The following GPR173 variants were observed in gnomAD, a reference collection of about 807,000 sequenced individuals.
The protein encoded by GPR173 is G protein-coupled receptor 173.
In GPR173, 2 loss-of-function variants were observed where a neutral mutation model predicts 13.9. That is an observed-to-expected ratio of 0.14 (90% CI 0.06 to 0.45). The LOEUF (loss-of-function observed/expected upper bound fraction) is 0.45. GPR173 is among the 20% of genes least tolerant of loss of function. The pLI is 0.98. For missense variants in GPR173, 202 were observed against 340.5 expected, an observed-to-expected ratio of 0.59 and a Z score of 3.20; for synonymous variants, 131 against 141.0, an observed-to-expected ratio of 0.93 and a Z score of 0.50.
At chrX:53,063,808 C>T (rs146384002) in intron 1 of GPR173, among the ~76,000 whole-genome samples, 3,349 of 111,532 alleles carry the variant, frequency 0.03, 59 homozygotes, top group Non-Finnish European at 0.05. Context: ...GGCTTTTATT[C>T]CAGTTTCCAA....
At chrX:53,072,757 G>GT (rs1261665909) in intron 1 of GPR173, among the ~76,000 whole-genome samples, 1 of 111,544 alleles carries the variant, frequency 9.0e-6, no homozygotes, top group Non-Finnish European at 1.9e-5. Context: ...GAGTAAGTGT[G>GT]TGTGTGTTTA....
At chrX:53,065,107 A>G (rs1266883595) in intron 1 of GPR173, 2 of 112,038 alleles carry the variant, frequency 1.8e-5, no homozygotes, top group African/African-American at 3.2e-5. Flanking sequence ...TTCTACATCA[A>G]GTTATTGTGT....
At chrX:53,064,716 C>A (rs1932166656) in intron 1 of GPR173, among the ~76,000 whole-genome samples, 2 of 111,384 alleles carry the variant, frequency 1.8e-5, no homozygotes, top group Non-Finnish European at 3.8e-5. Context: ...AGCATGTGCA[C>A]GTGACAAAGA....
Position 53,080,233 on chromosome X carries a change from T to C in GPR173, c.*2490T>C, listed in dbSNP as rs1047398478. ...GGACTTTGGTCAGCTTTGACCAAAT[T>C]TAGAGGGAGGGATGTCATGGGGAAA... On this transcript the variant is annotated 3_prime_UTR_variant, in exon 2 of 2. Transcript: ENST00000332582. 8.2e-6 allele frequency: 1 copy of C among 121,426 alleles called. No homozygotes were observed. The highest frequency in any genetic ancestry group is 2.9e-4 in the East Asian group (1 of 3,508). The allele number at this position is 121,426 out of a possible 1,213,427, so 10.0% of individuals were successfully genotyped here. A position where few individuals can be genotyped will look rare whatever the true frequency, so the allele number is the denominator to read the frequency against.
intron 1 of GPR173, among the ~76,000 whole-genome samples, chrX:53,055,110 G>C (rs1321492605): frequency 7.3e-5 from 8 of 109,163 alleles, no homozygotes; most frequent in African/African-American, 2.7e-4. Flanking sequence ...CTGGCTGATG[G>C]TGATTAAGAG....
intron 1 of GPR173, among the ~76,000 whole-genome samples, chrX:53,057,179 G>C (rs1602088767): frequency 8.9e-6 from 1 of 111,765 alleles, no homozygotes; most frequent in Non-Finnish European, 1.9e-5. Flanking sequence ...CACTTTGGGA[G>C]GCTGAGGCAG....
Position 53,062,569 on chromosome X carries a change from C to CTTTTTTT in GPR173, c.-98+13087_-98+13088insTTTTTTT. On this transcript the variant is annotated intron_variant, in intron 1 of 1. Coordinates refer to ENST00000332582, the MANE Select transcript of GPR173 (RefSeq NM_018969.6). ...ACAGAAAAAAAAAAAACATTGTCTT[C>CTTTTTTT]TTCTTTTTTTTTTTTTTTTTTTTTT... Among the ~76,000 whole-genome samples, 2 of 74,671 alleles carry CTTTTTTT rather than the reference C, an allele frequency of 2.7e-5. 1 individual carries two copies. The highest frequency in any genetic ancestry group is 4.9e-5 in the Non-Finnish European group (2 of 40,667). The allele number at this position is 74,671 out of a possible 115,157, so 64.8% of individuals were successfully genotyped here. A position where few individuals can be genotyped will look rare whatever the true frequency, so the allele number is the denominator to read the frequency against.
chrX:53,058,881 G>A (rs1932078018), intron 1 of GPR173, among the ~76,000 whole-genome samples: 1 of 106,063 alleles, frequency 9.4e-6, no homozygotes, highest in South Asian at 4.2e-4. Context: ...AATGGCGAAC[G>A]CATTTCGCCT....
Position 53,077,398 on chromosome X carries a change from G to A in GPR173, c.777G>A (p.Leu259=). 8.3e-7 allele frequency: 1 copy of A among 1,203,755 alleles called. No homozygotes were observed. The highest frequency in any genetic ancestry group is 1.1e-6 in the Non-Finnish European group (1 of 891,345). The change falls in exon 2 of 2, where the codon CTG becomes CTA. Residue 259 remains leucine (L), a synonymous_variant. Transcript: ENST00000332582. ...FGRGPMPPTL[L]GIRQNGHAAS... is the part of the protein sequence containing the mutation. Reference sequence around the variant, plus strand: ...GTGGGCCCATGCCACCAACCCTGCTGGGTATCCGGCAGAATGGGCATGCAG... The same window carrying A: ...GTGGGCCCATGCCACCAACCCTGCTAGGTATCCGGCAGAATGGGCATGCAG...
Position 53,076,998 on chromosome X carries a change from C to T in GPR173, c.377C>T (p.Ala126Val), listed in dbSNP as rs1556805923. The change falls in exon 2 of 2, where the codon GCC becomes GTC. Residue 126 changes from alanine (A) to valine (V), a missense_variant. Transcript: ENST00000332582. ...CISVTRYMAI[A>V]HHRFYAKRMT... The stretch of plus-strand genomic sequence containing the variant: ...AGCGTCACCCGCTACATGGCCATCG[C>T]CCACCACCGCTTCTACGCCAAGCGC... 1 of 1,210,169 alleles carries T rather than the reference C, an allele frequency of 8.3e-7. No homozygotes were observed. The highest frequency in any genetic ancestry group is 1.1e-6 in the Non-Finnish European group (1 of 895,130).
rs1602098082 is a variant in GPR173 at position 53,078,401 on chromosome X, C to T, written c.*658C>T. 8.1e-6 allele frequency: 1 copy of T among 122,948 alleles called. No individual in the cohort carries two copies. Among genetic ancestry groups the T allele is most frequent in the East Asian group, 2.8e-4 (1 of 3,567 alleles). The allele number at this position is 122,948 out of a possible 1,213,427, so 10.1% of individuals were successfully genotyped here. On this transcript the variant is annotated 3_prime_UTR_variant, in exon 2 of 2. Coordinates refer to ENST00000332582, the MANE Select transcript of GPR173 (RefSeq NM_018969.6). The stretch of plus-strand genomic sequence containing the variant: ...GCCCCAAGCCCAGTCTCTTCTCCCT[C>T]CCCACCATGTCCAGACCTCCCAAAT...
At chrX:53,074,283 T>C (rs1348964370) in intron 1 of GPR173, among the ~76,000 whole-genome samples, 1 of 3,439 alleles carries the variant, frequency 2.9e-4, no homozygotes, top group Non-Finnish European at 5.0e-4. Flanking sequence ...AATATACATT[T>C]ACATATAAAT....
Position 53,076,616 on chromosome X carries a change from C to T in GPR173, c.-6C>T, listed in dbSNP as rs182902439. ...CTAGGGTTGGCAGTAGCCCCTGACC[C>T]TCAGTATGGCCAACACTACCGGAGA... On this transcript the variant is annotated 5_prime_UTR_variant, in exon 2 of 2. Transcript: ENST00000332582. 8.5e-7 allele frequency: 1 copy of T among 1,176,291 alleles called. No individual in the cohort carries two copies.
intron 1 of GPR173, among the ~76,000 whole-genome samples, chrX:53,069,943 C>T (rs1263904525): frequency 9.1e-6 from 1 of 110,186 alleles, no homozygotes; most frequent in Non-Finnish European, 1.9e-5. Context: ...TACTTGCCTG[C>T]TTTTTTCTGG....
rs1457830729 is a variant in GPR173, at chrX:53,080,510, C to G, written c.*2767C>G. On this transcript the variant is annotated 3_prime_UTR_variant, in exon 2 of 2. Coordinates refer to ENST00000332582, the MANE Select transcript of GPR173 (RefSeq NM_018969.6). ...CCACTCTCGTGTATTTAACGTACGT[C>G]CTTCCAATCCACCGTTCATGTGTTT... 4.9e-5 allele frequency: 6 copies of G among 122,341 alleles called. No individual in the cohort carries two copies. The highest frequency in any genetic ancestry group is 2.0e-4 in the African/African-American group (6 of 30,432). 10.1% of individuals were successfully genotyped at this position (122,341 alleles called of 1,213,427 possible).
At chrX:53,061,354 A>G (rs10855213) in intron 1 of GPR173, among the ~76,000 whole-genome samples, 34,369 of 110,291 alleles carry the variant, frequency 0.31, 5,232 homozygotes, top group African/African-American at 0.61. Flanking sequence ...GTTAACGGGG[A>G]ATGTTTGTGT....
At position 53,076,692 on chromosome X, in the gene GPR173, T is replaced by A; in HGVS notation, c.71T>A (p.Val24Glu). 1 of 1,205,969 alleles carries A rather than the reference T, an allele frequency of 8.3e-7. No homozygotes were observed. ...TCCCCACCGTCCGCATCAGCTTATG[T>A]GAAGCTGGTACTGCTGGGACTGATT... Reference protein sequence around the residue: ...ALSPPSASAYVKLVLLGLIMC... With the variant: ...ALSPPSASAYEKLVLLGLIMC... The change falls in exon 2 of 2, where the codon GTG (valine) becomes GAG (glutamate). Residue 24 changes from valine to glutamate, a missense_variant. Coordinates refer to ENST00000332582, the MANE Select transcript of GPR173 (RefSeq NM_018969.6).
rs1291395028 is a variant in GPR173, at chrX:53,078,563, G to C, written c.*820G>C. 1 of 122,330 alleles carries C rather than the reference G, an allele frequency of 8.2e-6. No individual in the cohort carries two copies. Among genetic ancestry groups the C allele is most frequent in the Non-Finnish European group, 1.9e-5 (1 of 53,135 alleles). The allele number at this position is 122,330 out of a possible 1,213,427, so 10.1% of individuals were successfully genotyped here. ...CCCACACTTGGTCACATTCTCTCAC[G>C]CTGCCTTCAGGATCCCCAGCCCCCA... On this transcript the variant is annotated 3_prime_UTR_variant, in exon 2 of 2. Transcript: ENST00000332582.
chrX:53,066,885 A>C (rs1485553807), intron 1 of GPR173, among the ~76,000 whole-genome samples: 1 of 111,427 alleles, frequency 9.0e-6, no homozygotes, highest in Non-Finnish European at 1.9e-5. Flanking sequence ...TTACTGTGGA[A>C]ATGAGACCTA....
Sources: allele counts gnomAD v4.1 joint callset (sites outside exome capture counted in the v4.1 genomes callset), GRCh38; gene constraint gnomAD v4.1.1; transcripts MANE v1.5; gene names NCBI Gene and HGNC (gene_info 2026-07-23, HGNC 2026-07-21).